The following ZNF723 variants were observed in gnomAD, a reference collection of about 807,000 sequenced individuals.
ZNF723 encodes zinc finger protein 723, pseudogene.
Under a neutral mutation model 9.4 loss-of-function variants are expected in ZNF723, and 5 were observed. That is an observed-to-expected ratio of 0.53 (90% CI 0.28 to 1.12). The LOEUF (loss-of-function observed/expected upper bound fraction) is 1.12. Among genes scored for constraint, ZNF723 ranks in the 50% most tolerant of loss-of-function variants. ZNF723 has a pLI of 0.10. For missense variants in ZNF723, 450 were observed against 501.5 expected (o/e 0.90, Z 0.98); for synonymous variants, 158 against 168.8 (o/e 0.94, Z 0.49).
chr19:22,843,079 C>T (rs1967269129), intron 1 of ZNF723, among the ~76,000 whole-genome samples: 1 of 152,204 alleles, frequency 6.6e-6, no homozygotes, highest in Non-Finnish European at 1.5e-5. Flanking sequence ...CACAACTACA[C>T]CTGTCCCTAA....
upstream of ZNF723, among the ~76,000 whole-genome samples, chr19:22,831,069 AT>A (rs1323296998): frequency 1.3e-5 from 2 of 151,942 alleles, no homozygotes; most frequent in East Asian, 3.9e-4. Context: ...GGCCATAGCA[AT>A]TTTTCACCCC....
At chr19:22,821,171 C>G in the ZNF723 span, among the ~76,000 whole-genome samples, 1 of 152,174 alleles carries the variant, frequency 6.6e-6, no homozygotes, top group Non-Finnish European at 1.5e-5. Context: ...GACTTTCATA[C>G]CTGGAGCCAG....
At chr19:22,828,252 T>C (rs1391213159), upstream of ZNF723, among the ~76,000 whole-genome samples, 4 of 152,086 alleles carry the variant, frequency 2.6e-5, no homozygotes, top group Non-Finnish European at 5.9e-5. Flanking sequence ...GTGAATAACA[T>C]TATAAGGACA....
intron 1 of ZNF723, among the ~76,000 whole-genome samples, chr19:22,847,919 G>T (rs139505285): frequency 0.013 from 2,004 of 152,044 alleles, 39 homozygotes; most frequent in African/African-American, 0.046. Context: ...TGGCCAATAT[G>T]ATGAAACCCC....
intron 2 of ZNF723, among the ~76,000 whole-genome samples, chr19:22,848,773 A>AT (rs1258219346): frequency 2.2e-4 from 29 of 134,546 alleles, no homozygotes; most frequent in African/African-American, 7.3e-4. Flanking sequence ...TTATTTATTT[A>AT]TGAGATGGAA....
At chr19:22,848,627 C>T (rs1009248236) in intron 2 of ZNF723, among the ~76,000 whole-genome samples, 10 of 152,130 alleles carry the variant, frequency 6.6e-5, no homozygotes, top group African/African-American at 1.2e-4. Flanking sequence ...TCACCATTAG[C>T]GATCATTTCA....
chr19:22,853,176 CTTT>C (rs1967421799), intron 3 of ZNF723, among the ~76,000 whole-genome samples: 1 of 151,958 alleles, frequency 6.6e-6, no homozygotes, highest in South Asian at 2.1e-4. Flanking sequence ...TATTATTCTG[CTTT>C]TTAACTTTTA....
chr19:22,815,749 G>A, the ZNF723 span, among the ~76,000 whole-genome samples: 1 of 152,128 alleles, frequency 6.6e-6, no homozygotes, highest in Non-Finnish European at 1.5e-5. Flanking sequence ...TTGTGTAAAG[G>A]CCATAAAGGA....
Position 22,849,267 on chromosome 19 carries a change from G to C in ZNF723, c.200G>C (p.Arg67Thr). 1.6e-6 allele frequency: 1 copy of C among 638,320 alleles called. No homozygotes were observed. Among genetic ancestry groups the C allele is most frequent in the South Asian group, 2.3e-5 (1 of 44,192 alleles). 39.5% of individuals were successfully genotyped at this position (638,320 alleles called of 1,614,324 possible). A position where few individuals can be genotyped will look rare whatever the true frequency, so the allele number is the denominator to read the frequency against. ...EQGKEPWNMK[R>T]HKMVAKPPVV... The stretch of plus-strand genomic sequence containing the variant: ...GGAAAAGAGCCCTGGAATATGAAGA[G>C]ACACAAGATGGTAGCCAAGCCCCCA... Residue 67 changes from arginine to threonine, a missense_variant, in exon 3 of 4, where the codon AGA becomes ACA. Physicochemically the swap from Arg to Thr is moderately conservative, Grantham distance 71 (BLOSUM62 -1). This residue lies in a region of ZNF723 where 143 missense variants were observed against 101.3 expected (regional missense o/e 1.41). Coordinates refer to ENST00000600766, the MANE Select transcript of ZNF723 (RefSeq NM_001349726.2).
chr19:22,813,633 T>G, the ZNF723 span, among the ~76,000 whole-genome samples: 1 of 151,600 alleles, frequency 6.6e-6, no homozygotes, highest in Non-Finnish European at 1.5e-5. Context: ...CACAGCTGCT[T>G]GGGAGGCTGA....
the ZNF723 span, among the ~76,000 whole-genome samples, chr19:22,815,361 A>G: frequency 0.16 from 23,571 of 152,070 alleles, 1,991 homozygotes; most frequent in African/African-American, 0.22. Context: ...CCCAGGCACC[A>G]GGTGATGTGT....
intron 1 of ZNF723, among the ~76,000 whole-genome samples, chr19:22,833,923 G>A (rs551237886): frequency 2.2e-4 from 28 of 127,486 alleles, no homozygotes; most frequent in South Asian, 1.2e-3. Flanking sequence ...GTTTTTTAGC[G>A]TACTTTTTTT....
At chr19:22,837,096 G>C (rs761002945) in intron 1 of ZNF723, among the ~76,000 whole-genome samples, 4 of 151,718 alleles carry the variant, frequency 2.6e-5, no homozygotes, top group Admixed American at 2.0e-4. Flanking sequence ...AATTCAAGAC[G>C]AGCCTGGCCA....
chr19:22,830,460 G>A (rs997623441), upstream of ZNF723, among the ~76,000 whole-genome samples: 3 of 152,046 alleles, frequency 2.0e-5, no homozygotes, highest in African/African-American at 7.2e-5. Context: ...GAGGCGCCGT[G>A]TGCTTCTGCA....
chr19:22,828,639 G>A (rs976094594), upstream of ZNF723, among the ~76,000 whole-genome samples: 3 of 151,966 alleles, frequency 2.0e-5, no homozygotes, highest in Non-Finnish European at 4.4e-5. Flanking sequence ...GTGACAGAGC[G>A]AGACTCCCTC....
intron 1 of ZNF723, among the ~76,000 whole-genome samples, chr19:22,838,565 A>G (rs1055564182): frequency 1.3e-5 from 2 of 152,052 alleles, no homozygotes; most frequent in African/African-American, 4.8e-5. Flanking sequence ...AAGAAAAAAA[A>G]AGAACATGCA....
At chr19:22,828,454 A>T (rs1258071017), upstream of ZNF723, among the ~76,000 whole-genome samples, 1 of 152,078 alleles carries the variant, frequency 6.6e-6, no homozygotes, top group African/African-American at 2.4e-5. Context: ...GGAGATGGAG[A>T]CCATCATGGC....
Position 22,857,341 on chromosome 19 carries a change from T to C in ZNF723, c.450T>C (p.Tyr150=), listed in dbSNP as rs1464122018. The C allele has an allele frequency of 1.7e-5, 14 of 821,358 alleles. No individual in the cohort carries two copies. The Admixed American group carries it at 1.8e-4, about 10-fold the overall frequency. 50.9% of individuals were successfully genotyped at this position (821,358 alleles called of 1,614,324 possible). A position where few individuals can be genotyped will look rare whatever the true frequency, so the allele number is the denominator to read the frequency against. The stretch of plus-strand genomic sequence containing the variant: ...GCAAAATATTTCAATGTGATAAATA[T>C]GTAAAAGTCTTTCATAAATTTTCAA... ...TPSKIFQCDK[Y]VKVFHKFSSS... is the part of the protein sequence containing the mutation. Residue 150 remains tyrosine, a synonymous_variant, in exon 4 of 4, where the codon TAT becomes TAC. Transcript: ENST00000600766.
chr19:22,822,593 T>C, the ZNF723 span, among the ~76,000 whole-genome samples: 1 of 152,180 alleles, frequency 6.6e-6, no homozygotes, highest in Non-Finnish European at 1.5e-5. Context: ...CTGGGGGCAG[T>C]GGCGCATGCC....
Sources: allele counts gnomAD v4.1 joint callset (sites outside exome capture counted in the v4.1 genomes callset), GRCh38; gene constraint gnomAD v4.1.1; regional missense constraint gnomAD v4.1.1; transcripts MANE v1.5; gene names NCBI Gene and HGNC (gene_info 2026-07-23, HGNC 2026-07-21).